INPP5A: variants seen among roughly 807,000 people sequenced by gnomAD.
INPP5A encodes the protein 43 kDa inositol polyphosphate 5-phophatase.
INPP5A carries 14 observed loss-of-function variants against 65.2 expected under a neutral mutation model. That is an observed-to-expected ratio of 0.21 (90% CI 0.14 to 0.34). The LOEUF is 0.34. Ranked by LOEUF, INPP5A falls within the 10% of genes least tolerant of loss-of-function variation. The pLI is 1.00. For synonymous variants in INPP5A, 207 were observed against 208.3 expected (o/e 0.99, Z 0.05); for missense variants, 431 against 545.6 (o/e 0.79, Z 2.09).
chr10:132,553,717 A>T (rs1198630117), intron 1 of INPP5A, among the ~76,000 whole-genome samples: 1 of 134,202 alleles, frequency 7.5e-6, no homozygotes, highest in Non-Finnish European at 1.6e-5. Context: ...TGGGATAGGG[A>T]GGGAGGATTG....
At chr10:132,744,821 G>A (rs1846339716) in intron 9 of INPP5A, among the ~76,000 whole-genome samples, 1 of 152,180 alleles carries the variant, frequency 6.6e-6, no homozygotes, top group African/African-American at 2.4e-5. Flanking sequence ...GCGACCTGCA[G>A]GGCTGACTGA....
chr10:132,667,223 C>G (rs571663988), intron 4 of INPP5A, among the ~76,000 whole-genome samples: 1 of 152,226 alleles, frequency 6.6e-6, no homozygotes, highest in African/African-American at 2.4e-5. Flanking sequence ...AAGCCGCAGC[C>G]CCTTTTGGTT....
intron 11 of INPP5A, among the ~76,000 whole-genome samples, chr10:132,752,981 C>T (rs1281276570): frequency 6.6e-6 from 1 of 152,080 alleles, no homozygotes; most frequent in East Asian, 1.9e-4. Context: ...TGCACTGTGT[C>T]GATACGTCGG....
intron 3 of INPP5A, among the ~76,000 whole-genome samples, chr10:132,646,230 G>A (rs1049776081): frequency 2.0e-5 from 3 of 152,206 alleles, no homozygotes; most frequent in Non-Finnish European, 4.4e-5. Context: ...GCCAGGGGAC[G>A]TGAGCCCCAG....
At chr10:132,715,903 C>T (rs1182013710) in intron 8 of INPP5A, among the ~76,000 whole-genome samples, 2 of 152,224 alleles carry the variant, frequency 1.3e-5, no homozygotes, top group Admixed American at 6.5e-5. Context: ...TGGTGTCCCT[C>T]CGCATGCCCG....
chr10:132,629,849 G>C (rs1319948245), intron 2 of INPP5A, among the ~76,000 whole-genome samples: 1 of 152,148 alleles, frequency 6.6e-6, no homozygotes, highest in Non-Finnish European at 1.5e-5. Context: ...CAAGGGCAGG[G>C]TGTCCTCCAG....
At chr10:132,630,039 G>A (rs2072243607) in intron 2 of INPP5A, among the ~76,000 whole-genome samples, 4 of 151,978 alleles carry the variant, frequency 2.6e-5, no homozygotes, top group Non-Finnish European at 2.9e-5. Context: ...TGAGGGAAAG[G>A]TGTTCATGGA....
chr10:132,740,783 C>T (rs919932503), intron 9 of INPP5A, among the ~76,000 whole-genome samples: 37 of 152,320 alleles, frequency 2.4e-4, no homozygotes, highest in Admixed American at 2.3e-3. Context: ...CAAGTTTCTT[C>T]CTGCCGTGCC....
chr10:132,647,059 A>G (rs185417828), intron 3 of INPP5A, among the ~76,000 whole-genome samples: 9 of 151,974 alleles, frequency 5.9e-5, no homozygotes, highest in South Asian at 4.2e-4. Flanking sequence ...TTCAGCTGCT[A>G]AAAAAAACTG....
chr10:132,714,887 G>A (rs1845714108), intron 8 of INPP5A, among the ~76,000 whole-genome samples: 5 of 152,226 alleles, frequency 3.3e-5, no homozygotes, highest in Admixed American at 3.3e-4. Flanking sequence ...TGAAATTGTT[G>A]CTGTTAACCT....
intron 1 of INPP5A, among the ~76,000 whole-genome samples, chr10:132,542,566 C>G (rs553243207): frequency 2.6e-5 from 4 of 151,692 alleles, no homozygotes; most frequent in Admixed American, 1.3e-4. Flanking sequence ...GACTCTCTAC[C>G]GTGGCAGCCC....
chr10:132,601,009 G>T (rs1027427842), intron 1 of INPP5A, among the ~76,000 whole-genome samples: 1 of 152,172 alleles, frequency 6.6e-6, no homozygotes, highest in Non-Finnish European at 1.5e-5. Flanking sequence ...GCCAGCAGTG[G>T]AATTGCTTCA....
chr10:132,782,207 C>T lies in INPP5A; in HGVS notation c.*178C>T. ...ACCATTCCGGAGCAGCCTCACATACCTCACTGTCTCGTCTGTCTATGTGAC... is the reference window on the plus strand; with the variant it reads ...ACCATTCCGGAGCAGCCTCACATACTTCACTGTCTCGTCTGTCTATGTGAC... On this transcript the variant is annotated 3_prime_UTR_variant, in exon 16 of 16. Transcript: ENST00000368594. This position sits in a 1 kb window ranked among gnomAD's most constrained non-coding sequence, Gnocchi z 4.4. 4 of 866,554 alleles carry T rather than the reference C, an allele frequency of 4.6e-6. No individual in the cohort carries two copies. The highest frequency in any genetic ancestry group is 7.2e-6 in the Non-Finnish European group (4 of 554,116). The allele number at this position is 866,554 out of a possible 1,614,324, so 53.7% of individuals were successfully genotyped here.
At chr10:132,736,128 G>A (rs1055457397) in intron 9 of INPP5A, among the ~76,000 whole-genome samples, 12 of 152,364 alleles carry the variant, frequency 7.9e-5, no homozygotes, top group African/African-American at 2.4e-4. Context: ...CACGCCAGTC[G>A]TGTGCCATCT....
chr10:132,600,080 A>C (rs895402384), intron 1 of INPP5A, among the ~76,000 whole-genome samples: 1 of 152,216 alleles, frequency 6.6e-6, no homozygotes, highest in African/African-American at 2.4e-5. Context: ...CTTGGGGATT[A>C]ACAACAGGCT....
intron 11 of INPP5A, among the ~76,000 whole-genome samples, chr10:132,755,347 TG>T (rs1258315349): frequency 6.7e-6 from 1 of 149,284 alleles, no homozygotes; most frequent in African/African-American, 2.5e-5. Context: ...TGTGAGCGTG[TG>T]TGTGAGCAGA....
At chr10:132,737,708 T>C (rs564872215) in intron 9 of INPP5A, among the ~76,000 whole-genome samples, 38 of 152,376 alleles carry the variant, frequency 2.5e-4, no homozygotes, top group African/African-American at 8.4e-4. Context: ...TGCTGCTCGG[T>C]TCACTCACTT....
chr10:132,719,346 G>A (rs571998920), intron 8 of INPP5A, among the ~76,000 whole-genome samples: 1 of 149,944 alleles, frequency 6.7e-6, no homozygotes, highest in African/African-American at 2.4e-5. Flanking sequence ...GTGGTACCTG[G>A]GTTCTGTCTG....
chr10:132,710,481 G>A (rs373206366), intron 8 of INPP5A, 25 bp downstream of exon 8: 43 of 1,607,794 alleles, frequency 2.7e-5, no homozygotes, highest in African/African-American at 9.4e-5. Context: ...GCAGGTAGGC[G>A]TGGGCCGGGC....
Sources: allele counts gnomAD v4.1 joint callset (sites outside exome capture counted in the v4.1 genomes callset), GRCh38; gene constraint gnomAD v4.1.1; non-coding constraint Gnocchi (gnomAD v3.1); transcripts MANE v1.5; gene names NCBI Gene and HGNC (gene_info 2026-07-23, HGNC 2026-07-21).